Variants in ROR2 observed in about 807,000 individuals in gnomAD.
The protein encoded by ROR2 is ROR family WNT receptor 2, also known as tyrosine-protein kinase transmembrane receptor ROR2.
Under a neutral mutation model 74.9 loss-of-function variants are expected in ROR2, and 33 were observed. The observed-to-expected ratio is 0.44, with a 90% confidence interval of 0.33 to 0.59. The LOEUF is 0.59. Among genes scored for constraint, ROR2 ranks in the 20% least tolerant of loss-of-function variants. ROR2 has a pLI of 0.02. For missense variants in ROR2, 1,216 were observed against 1,313.8 expected, an observed-to-expected ratio of 0.93 and a Z score of 1.15; for synonymous variants, 586 against 558.7, an observed-to-expected ratio of 1.05 and a Z score of -0.69.
chr9:91,913,211 T>C (rs1200171450), intron 1 of ROR2, among the ~76,000 whole-genome samples: 3 of 151,758 alleles, frequency 2.0e-5, no homozygotes, highest in African/African-American at 7.3e-5. Flanking sequence ...AAAAGAAAAA[T>C]CGACTATAGT....
At chr9:91,859,295 G>C (rs906510318) in intron 1 of ROR2, among the ~76,000 whole-genome samples, 1 of 145,372 alleles carries the variant, frequency 6.9e-6, no homozygotes, top group East Asian at 2.1e-4. Flanking sequence ...ACAGCCTCCC[G>C]GGTTCAAGCA....
chr9:91,948,708 C>G (rs1159276139), intron 1 of ROR2: 1 of 985,520 alleles, frequency 1.0e-6, no homozygotes, highest in Non-Finnish European at 1.2e-6. Flanking sequence ...TGTCCCGATT[C>G]TCACCTTCCT....
intron 1 of ROR2, among the ~76,000 whole-genome samples, chr9:91,884,349 A>G (rs1830210504): frequency 2.6e-5 from 4 of 151,144 alleles, no homozygotes; most frequent in Admixed American, 2.6e-4. Context: ...GTTGGTGGGT[A>G]CCCCTGTGAC....
intron 4 of ROR2, among the ~76,000 whole-genome samples, chr9:91,744,452 G>A (rs946738318): frequency 2.6e-5 from 4 of 151,676 alleles, no homozygotes; most frequent in African/African-American, 4.8e-5. Context: ...CTCAAACTCC[G>A]GACCTCAGGT....
intron 1 of ROR2, among the ~76,000 whole-genome samples, chr9:91,845,841 G>A (rs2141369): frequency 0.044 from 5,423 of 122,424 alleles, 149 homozygotes; most frequent in East Asian, 0.13. Flanking sequence ...TCATGCCACT[G>A]CACTCCAGCC....
At chr9:91,774,190 C>T (rs1250548931) in intron 2 of ROR2, among the ~76,000 whole-genome samples, 3 of 152,162 alleles carry the variant, frequency 2.0e-5, no homozygotes, top group Non-Finnish European at 1.5e-5. Flanking sequence ...TCAGAGCATG[C>T]GTTTACTACA....
chr9:91,772,240 TG>T (rs1564265978), intron 2 of ROR2, among the ~76,000 whole-genome samples: 1 of 152,108 alleles, frequency 6.6e-6, no homozygotes, highest in Non-Finnish European at 1.5e-5. Flanking sequence ...CTGAGACTTC[TG>T]GGGGGCAGTT....
chr9:91,783,643 T>C (rs1346807058), intron 1 of ROR2, among the ~76,000 whole-genome samples: 2 of 152,226 alleles, frequency 1.3e-5, no homozygotes, highest in Admixed American at 1.3e-4. Context: ...TGTGCCCAAA[T>C]GAGCTTTTCA....
In ROR2 at chr9:91,724,725, G is replaced by A. The variant is rs749136832; in HGVS notation, c.1769C>T (p.Pro590Leu). 3 of 1,614,130 alleles carry A rather than the reference G, an allele frequency of 1.9e-6. No homozygotes were observed. The highest frequency in any genetic ancestry group is 8.5e-7 in the Non-Finnish European group (1 of 1,180,026). ...CTGTGCCACAAGGTGCACGAAGTCG[G>A]GGGGCTCCAGGGCGGACTTCACCGT... ...DRTVKSALEP[P>L]DFVHLVAQIA... Residue 590 changes from proline to leucine, a missense_variant, in exon 9 of 9, where the codon CCC becomes CTC. Transcript: ENST00000375708.
chr9:91,928,190 AG>A (rs1046422058), intron 1 of ROR2, among the ~76,000 whole-genome samples: 2 of 151,996 alleles, frequency 1.3e-5, no homozygotes, highest in Non-Finnish European at 2.9e-5. Flanking sequence ...CCAGACACCC[AG>A]GAACAGCCCC....
chr9:91,723,422 C>T lies in ROR2; in HGVS notation c.*240G>A, dbSNP rs1253901587. On this transcript the variant is annotated 3_prime_UTR_variant, in exon 9 of 9. Transcript: ENST00000375708. ...TACAGCCCTGGGGATGACCATGTGT[C>T]CTGCTCCCCAGGACGCCGTGCTGCC... 1.0e-5 allele frequency: 6 copies of T among 589,612 alleles called. No individual in the cohort carries two copies. Among genetic ancestry groups the T allele is most frequent in the Non-Finnish European group, 1.8e-5 (6 of 333,798 alleles). 36.5% of individuals were successfully genotyped at this position (589,612 alleles called of 1,614,324 possible).
In ROR2 at chr9:91,790,378, C is replaced by T. The variant is rs1826932395; in HGVS notation, c.98-14560G>A. Among the ~76,000 whole-genome samples, 3 of 151,494 alleles carry T rather than the reference C, an allele frequency of 2.0e-5. No individual in the cohort carries two copies. In the South Asian group the frequency reaches 6.3e-4, roughly 32 times the overall value. ...TACAAAAATTAGCTGGGTGTGGTGG[C>T]GAAAGCCTGTAATCCCAGCTACTCG... On this transcript the variant is annotated intron_variant, in intron 1 of 8. Coordinates refer to ENST00000375708, the MANE Select transcript of ROR2 (RefSeq NM_004560.4).
intron 1 of ROR2, among the ~76,000 whole-genome samples, chr9:91,822,220 G>A (rs1316790246): frequency 2.6e-5 from 4 of 152,050 alleles, no homozygotes; most frequent in Non-Finnish European, 4.4e-5. Flanking sequence ...GTTACTGAAG[G>A]GCCTGGAGGC....
intron 1 of ROR2, among the ~76,000 whole-genome samples, chr9:91,798,406 C>A (rs1310841732): frequency 7.9e-6 from 1 of 127,174 alleles, no homozygotes; most frequent in Non-Finnish European, 1.6e-5. Context: ...GGGGCTGACA[C>A]CCTGGGCTCT....
At chr9:91,734,875 T>C (rs753257362) in intron 5 of ROR2, among the ~76,000 whole-genome samples, 2 of 152,168 alleles carry the variant, frequency 1.3e-5, no homozygotes, top group Non-Finnish European at 2.9e-5. Context: ...CTCCTCTGGG[T>C]TCCTGTGGCC....
chr9:91,928,108 C>T (rs1457217289), intron 1 of ROR2, among the ~76,000 whole-genome samples: 1 of 152,112 alleles, frequency 6.6e-6, no homozygotes, highest in Non-Finnish European at 1.5e-5. Context: ...CACCTGCCAC[C>T]ACCTTCTGCA....
intron 7 of ROR2, among the ~76,000 whole-genome samples, chr9:91,728,505 A>G (rs1359992635): frequency 6.6e-6 from 1 of 152,168 alleles, no homozygotes; most frequent in Non-Finnish European, 1.5e-5. Flanking sequence ...ATCTCAGTTC[A>G]CTGCAACCTC....
Position 91,846,220 on chromosome 9 carries a change from G to A in ROR2, c.98-70402C>T, listed in dbSNP as rs191511415. ...TACAGGCTTTGCCATGGACTGAGGC[G>A]TGTCCCCACAAAATATGTCAAAGCC... On this transcript the variant is annotated intron_variant, in intron 1 of 8. Transcript: ENST00000375708. Among the ~76,000 whole-genome samples, 165 of 152,330 alleles carry A rather than the reference G, an allele frequency of 1.1e-3. 1 individual carries two copies. The highest frequency in any genetic ancestry group is 3.4e-3 in the African/African-American group (143 of 41,582).
intron 1 of ROR2, among the ~76,000 whole-genome samples, chr9:91,830,944 A>ACTGT: frequency 6.6e-6 from 1 of 151,916 alleles, no homozygotes; most frequent in African/African-American, 2.4e-5. Flanking sequence ...TTGACAGTAC[A>ACTGT]CACTTTCTAT....
Sources: allele counts gnomAD v4.1 joint callset (sites outside exome capture counted in the v4.1 genomes callset), GRCh38; gene constraint gnomAD v4.1.1; transcripts MANE v1.5; gene names NCBI Gene and HGNC (gene_info 2026-07-23, HGNC 2026-07-21).